The following CNEP1R1 variants were observed in gnomAD, a reference collection of about 807,000 sequenced individuals.
CNEP1R1 encodes the protein nuclear envelope phosphatase-regulatory subunit 1.
Under a neutral mutation model 22.7 loss-of-function variants are expected in CNEP1R1, and 10 were observed. The observed-to-expected ratio is 0.44, with a 90% CI of 0.27 to 0.75. CNEP1R1 has a LOEUF of 0.75. Ranked by LOEUF, CNEP1R1 falls within the 30% of genes least tolerant of loss-of-function variation. The pLI, the probability that CNEP1R1 is intolerant of heterozygous loss-of-function variation, is 0.17. For missense variants in CNEP1R1, 73 were observed against 151.5 expected (o/e 0.48, Z 2.72); for synonymous variants, 53 against 50.1 (o/e 1.06, Z -0.25).
chr16:50,031,090 T>A (rs1407194924), intron 3 of CNEP1R1, among the ~76,000 whole-genome samples: 1 of 152,162 alleles, frequency 6.6e-6, no homozygotes, highest in African/African-American at 2.4e-5. Flanking sequence ...CAGTGCAGTT[T>A]TATTTAGGGA....
Position 50,033,426 on chromosome 16 carries a change from C to T in CNEP1R1, c.201C>T (p.His67=), listed in dbSNP as rs763635723. The T allele has an allele frequency of 3.8e-6, 6 of 1,598,326 alleles. No homozygotes were observed. The East Asian group carries it at 9.0e-5, about 24-fold the overall frequency. Residue 67 remains histidine (H), a synonymous_variant, in exon 4 of 6, where the codon CAC becomes CAT. Transcript: ENST00000427478. The part of the protein sequence containing the change: ...KVSFFTSLWN[H]PFFTISCITL... ...CCTTCTTCACATCATTATGGAATCA[C>T]CCATTTTTCACCATTAGCTGTATCA...
chr16:50,031,714 T>G (rs1387414302), intron 3 of CNEP1R1, among the ~76,000 whole-genome samples: 1 of 151,504 alleles, frequency 6.6e-6, no homozygotes, highest in African/African-American at 2.4e-5. Flanking sequence ...GACAGGAGTT[T>G]TAACCAGCAA....
rs1213071275 is a variant in CNEP1R1 at position 50,034,149 on chromosome 16, G to T, written c.329G>T (p.Cys110Phe). 2 of 1,581,258 alleles carry T rather than the reference G, an allele frequency of 1.3e-6. No homozygotes were observed. Among genetic ancestry groups the T allele is most frequent in the African/African-American group, 1.3e-5 (1 of 74,620 alleles). ...GTATTAGCAGAATACAATATGTCTT[G>T]TGATGATGTAAGTATTTTTTTGGTT... ...RTVLAEYNMS[C>F]DDTGKLILKP... The change falls in exon 5 of 6, where the codon TGT becomes TTT. Residue 110 changes from cysteine to phenylalanine, a missense_variant. Physicochemically the swap from Cys to Phe is radical, Grantham distance 205. Coordinates refer to ENST00000427478, the MANE Select transcript of CNEP1R1 (RefSeq NM_001281789.2).
At chr16:50,034,075 A>G (rs937296742) in intron 4 of CNEP1R1, 27 bp from the exon 5 acceptor site, 2 of 1,568,106 alleles carry the variant, frequency 1.3e-6, no homozygotes, top group Non-Finnish European at 1.7e-6. Context: ...TGAAATGAGA[A>G]ATTTTCCTTT....
intron 2 of CNEP1R1, among the ~76,000 whole-genome samples, chr16:50,027,852 G>C (rs936058024): frequency 6.6e-6 from 1 of 152,062 alleles, no homozygotes; most frequent in African/African-American, 2.4e-5. Flanking sequence ...AATATAATTT[G>C]AACAGTGCTT....
chr16:50,028,668 C>G (rs527628563), intron 2 of CNEP1R1, among the ~76,000 whole-genome samples: 1 of 152,128 alleles, frequency 6.6e-6, no homozygotes, highest in Non-Finnish European at 1.5e-5. Flanking sequence ...TTAGCACTTA[C>G]TTGGTTAATG....
At chr16:50,025,601 T>C (rs780155110) in intron 1 of CNEP1R1, 31 of 1,516,014 alleles carry the variant, frequency 2.0e-5, no homozygotes, top group South Asian at 1.1e-5. Context: ...GGCAGACACT[T>C]GCACTTCGTG....
intron 2 of CNEP1R1, among the ~76,000 whole-genome samples, chr16:50,027,872 T>C (rs1209988351): frequency 6.6e-6 from 1 of 152,122 alleles, no homozygotes; most frequent in Admixed American, 6.6e-5. Context: ...TACTTGCCCA[T>C]GGAAATACAT....
chr16:50,027,414 A>G (rs1024438191), intron 2 of CNEP1R1, among the ~76,000 whole-genome samples: 1 of 151,278 alleles, frequency 6.6e-6, no homozygotes, highest in Admixed American at 6.6e-5. Context: ...AGGCTGAGGC[A>G]GGAGAATGGA....
chr16:50,025,906 G>T, intron 1 of CNEP1R1: 1 of 576,602 alleles, frequency 1.7e-6, no homozygotes, highest in South Asian at 2.2e-5. Context: ...AAGAAGTCTA[G>T]TAAGGCCAGA....
chr16:50,028,027 C>G (rs964655483), intron 2 of CNEP1R1, among the ~76,000 whole-genome samples: 1 of 152,138 alleles, frequency 6.6e-6, no homozygotes, highest in African/African-American at 2.4e-5. Context: ...GCGCCATCTT[C>G]GCTCACTGCA....
chr16:50,033,506 T>C lies in CNEP1R1; in HGVS notation c.281T>C (p.Ile94Thr). The change falls in exon 4 of 6, where the codon ATT becomes ACT. Residue 94 changes from isoleucine to threonine, a missense_variant and splice_region_variant. Physicochemically the swap from Ile to Thr is moderately conservative, Grantham distance 89. Coordinates refer to ENST00000427478, the MANE Select transcript of CNEP1R1 (RefSeq NM_001281789.2). ...CACAAGAGAGTAGTTGCACCATCAA[T>C]GTATCCTTTACCAAGGATTAAATTC... ...GIHKRVVAPS[I>T]IAARCRTVLA... The C allele has an allele frequency of 6.9e-7, 1 of 1,452,298 alleles. No homozygotes were observed. Among genetic ancestry groups the C allele is most frequent in the Non-Finnish European group, 9.6e-7 (1 of 1,036,376 alleles). 90.0% of individuals were successfully genotyped at this position (1,452,298 alleles called of 1,614,324 possible).
rs1027183473 is a variant in CNEP1R1 at position 50,036,657 on chromosome 16, C to G, written c.*1199C>G. Reference sequence around the variant, plus strand: ...GTGCCAGAAACTAGAGTCTACAATTCTCACTGTTTAGAGAGTGTTAATGAC... The same window carrying G: ...GTGCCAGAAACTAGAGTCTACAATTGTCACTGTTTAGAGAGTGTTAATGAC... On this transcript the variant is annotated 3_prime_UTR_variant, in exon 6 of 6. Coordinates refer to ENST00000427478, the MANE Select transcript of CNEP1R1 (RefSeq NM_001281789.2). 4.6e-5 allele frequency: 7 copies of G among 152,526 alleles called. No homozygotes were observed. Among genetic ancestry groups the G allele is most frequent in the African/African-American group, 1.4e-4 (6 of 41,422 alleles). The allele number at this position is 152,526 out of a possible 1,614,324, so 9.4% of individuals were successfully genotyped here.
intron 1 of CNEP1R1, 81 bp from the exon 2 acceptor site, chr16:50,026,315 T>A: frequency 1.0e-6 from 1 of 956,444 alleles, no homozygotes. Context: ...TCACATGTCG[T>A]CTTAATGTTA....
At chr16:50,033,039 A>G (rs1188052556) in intron 3 of CNEP1R1, among the ~76,000 whole-genome samples, 1 of 151,918 alleles carries the variant, frequency 6.6e-6, no homozygotes, top group Non-Finnish European at 1.5e-5. Flanking sequence ...TAACTAAATC[A>G]AGTTTGATTT....
chr16:50,025,464 G>A (rs2036171805), intron 1 of CNEP1R1, 124 bp downstream of exon 1: 1 of 1,190,832 alleles, frequency 8.4e-7, no homozygotes, highest in Non-Finnish European at 1.1e-6. Context: ...CTAGGGGCCC[G>A]GAGCTTGGGG....
rs551968284 is a variant in CNEP1R1 at position 50,029,931 on chromosome 16, C to T, written c.171+133C>T. On this transcript the variant is annotated intron_variant, in intron 3 of 5. Transcript: ENST00000427478. Reference sequence around the variant, plus strand: ...TGATATTGTCATATTAAAAATATGCCTTTTATTAATTTGCTCAAGGAAGAT... The same window carrying T: ...TGATATTGTCATATTAAAAATATGCTTTTTATTAATTTGCTCAAGGAAGAT... The T allele has an allele frequency of 1.3e-4, 68 of 529,696 alleles. 2 individuals carry two copies. In the South Asian group the frequency reaches 1.6e-3, roughly 12 times the overall value. The allele number at this position is 529,696 out of a possible 1,614,324, so 32.8% of individuals were successfully genotyped here. A position where few individuals can be genotyped will look rare whatever the true frequency, so the allele number is the denominator to read the frequency against.
At chr16:50,032,527 C>T (rs2036239881) in intron 3 of CNEP1R1, among the ~76,000 whole-genome samples, 1 of 152,072 alleles carries the variant, frequency 6.6e-6, no homozygotes, top group Non-Finnish European at 1.5e-5. Context: ...TGTTTTTTGC[C>T]TCTGCAGGGA....
rs977786945 is a variant in CNEP1R1 at position 50,036,760 on chromosome 16, A to G, written c.*1302A>G. On this transcript the variant is annotated 3_prime_UTR_variant, in exon 6 of 6. Coordinates refer to ENST00000427478, the MANE Select transcript of CNEP1R1 (RefSeq NM_001281789.2). The stretch of plus-strand genomic sequence containing the variant: ...CTATTGGGATTGCTGTAAATATTTT[A>G]AAGTACTGGAGGTGCCTTTTACCTG... 1 of 152,698 alleles carries G rather than the reference A, an allele frequency of 6.5e-6. No individual in the cohort carries two copies. The highest frequency in any genetic ancestry group is 1.5e-5 in the Non-Finnish European group (1 of 68,056). The allele number at this position is 152,698 out of a possible 1,614,324, so 9.5% of individuals were successfully genotyped here.
Sources: gnomAD v4.1 joint callset for allele counts (sites outside exome capture counted in the v4.1 genomes callset) on GRCh38, gnomAD v4.1.1 for gene constraint, MANE v1.5 for transcripts, NCBI Gene and HGNC (gene_info 2026-07-23, HGNC 2026-07-21) for gene names.